KDM5A: variants seen among roughly 807,000 people sequenced by gnomAD.
KDM5A encodes lysine-specific demethylase 5A.
KDM5A carries 42 observed loss-of-function variants against 193.5 expected under a neutral mutation model. The observed-to-expected ratio is 0.22, with a 90% CI of 0.17 to 0.28. The LOEUF is 0.28. Among genes scored for constraint, KDM5A ranks in the 10% least tolerant of loss-of-function variants. KDM5A has a pLI of 1.00. For synonymous variants in KDM5A, 796 were observed against 718.1 expected (o/e 1.11, Z -1.73); for missense variants, 1,692 against 2,055.1 (o/e 0.82, Z 3.42).
chr12:351,060 C>T (rs7135768), intron 9 of KDM5A, among the ~76,000 whole-genome samples: 119,437 of 152,178 alleles, frequency 0.78, 47,122 homozygotes, highest in African/African-American at 0.85. Flanking sequence ...CAAGGAGGAA[C>T]AAGGAAATGT....
At position 384,048 on chromosome 12, in the gene KDM5A, G is replaced by A. The variant is rs1301439033; in HGVS notation, c.349C>T (p.Leu117=). 6.2e-7 allele frequency: 1 copy of A among 1,613,856 alleles called. No individual in the cohort carries two copies. Among genetic ancestry groups the A allele is most frequent in the Non-Finnish European group, 8.5e-7 (1 of 1,179,860 alleles). ...IPVVERKILD[L]YALSKIVASK... is the part of the protein sequence containing the mutation. ...AGCCTCACCTTGCTCAAAGCATACA[G>A]ATCCAGGATTTTTCTCTCTACCACA... is the stretch of plus-strand genomic sequence containing the variant. Residue 117 remains leucine (L), a synonymous_variant, in exon 3 of 28, where the codon CTG becomes TTG. Coordinates refer to ENST00000399788, the MANE Select transcript of KDM5A (RefSeq NM_001042603.3).
intron 21 of KDM5A, 64 bp from the exon 22 acceptor site, chr12:310,028 T>TA (rs1943564503): frequency 5.9e-6 from 9 of 1,532,426 alleles, no homozygotes; most frequent in Non-Finnish European, 8.1e-6. Flanking sequence ...GTAAAAATAA[T>TA]AAAGGAACCA....
chr12:358,996 TAAA>T (rs35658441), intron 5 of KDM5A, among the ~76,000 whole-genome samples: 1 of 149,302 alleles, frequency 6.7e-6, no homozygotes. Flanking sequence ...TAATAAAAAA[TAAA>T]AAAAAACAAT....
At chr12:293,646 G>C (rs1429753123) in intron 26 of KDM5A, among the ~76,000 whole-genome samples, 1 of 151,892 alleles carries the variant, frequency 6.6e-6, no homozygotes, top group African/African-American at 2.4e-5. Context: ...GGGCGTGGTG[G>C]TGCATGCCTG....
At chr12:289,910 T>TTTC (rs1943271186) in intron 27 of KDM5A, among the ~76,000 whole-genome samples, 1 of 127,678 alleles carries the variant, frequency 7.8e-6, no homozygotes, top group Non-Finnish European at 1.6e-5. Context: ...TTTCTTTCTT[T>TTTC]TTTTTTTTTT....
intron 6 of KDM5A, among the ~76,000 whole-genome samples, chr12:356,156 C>G (rs1944227369): frequency 6.6e-6 from 1 of 152,154 alleles, no homozygotes; most frequent in Non-Finnish European, 1.5e-5. Flanking sequence ...CTCTCATAAA[C>G]CAGCCTTCAG....
chr12:308,094 A>C (rs529973218), intron 22 of KDM5A, 89 bp from the exon 23 acceptor site: 3 of 1,408,978 alleles, frequency 2.1e-6, no homozygotes, highest in East Asian at 4.6e-5. Context: ...TCTTTCTCCC[A>C]AGTTATCAGT....
In KDM5A at chr12:318,142, C is replaced by A; in HGVS notation, c.2861G>T (p.Arg954Leu). Residue 954 changes from arginine (R) to leucine (L), a missense_variant, in exon 19 of 28, where the codon CGA (arginine) becomes CTA (leucine). By Grantham distance (102) the Arg-to-Leu change is moderately radical (BLOSUM62 -2). Around this residue, in one of 11 missense-constraint regions of KDM5A, gnomAD observed 965 missense variants for 1,061.0 expected, o/e 0.91. Transcript: ENST00000399788. ...ELQELLTVSE[R>L]WEEKAKVCLQ... ...GCAGACCTTAGCCTTTTCTTCCCATCGTTCAGAGACTGTAAGGAGCTCCTG... is the reference window on the plus strand; with the variant it reads ...GCAGACCTTAGCCTTTTCTTCCCATAGTTCAGAGACTGTAAGGAGCTCCTG... 2.5e-6 allele frequency: 4 copies of A among 1,614,216 alleles called. No homozygotes were observed. The highest frequency in any genetic ancestry group is 3.4e-6 in the Non-Finnish European group (4 of 1,180,030).
At chr12:356,565 C>T in intron 5 of KDM5A, 28 bp from the exon 6 acceptor site, 1 of 1,382,662 alleles carries the variant, frequency 7.2e-7, no homozygotes. Flanking sequence ...TTCACATTAG[C>T]ATAATCATGC....
chr12:350,105 G>A (rs1316170513), intron 10 of KDM5A, among the ~76,000 whole-genome samples: 1 of 150,528 alleles, frequency 6.6e-6, no homozygotes, highest in Non-Finnish European at 1.5e-5. Flanking sequence ...TCTAGCAGGG[G>A]CGACAGGAAC....
chr12:364,752 T>C (rs1344689114), intron 4 of KDM5A, among the ~76,000 whole-genome samples: 1 of 129,792 alleles, frequency 7.7e-6, no homozygotes, highest in African/African-American at 3.0e-5. Flanking sequence ...GCCACTGCAC[T>C]CCAGCCTGGG....
At chr12:378,968 A>C (rs1387724481) in intron 3 of KDM5A, among the ~76,000 whole-genome samples, 1 of 152,096 alleles carries the variant, frequency 6.6e-6, no homozygotes, top group Admixed American at 6.5e-5. Flanking sequence ...CAAAAAAAAA[A>C]AAAAAAAACT....
intron 3 of KDM5A, among the ~76,000 whole-genome samples, chr12:382,871 G>A (rs1453729167): frequency 6.6e-6 from 1 of 152,060 alleles, no homozygotes; most frequent in Non-Finnish European, 1.5e-5. Context: ...GGCAGAGGTT[G>A]CAGTGAGCCA....
At chr12:388,337 A>T (rs1944673094) in intron 1 of KDM5A, 1 of 455,238 alleles carries the variant, frequency 2.2e-6, no homozygotes, top group Non-Finnish European at 4.4e-6. Flanking sequence ...AGAGATTTCA[A>T]CATTTCCTTC....
intron 19 of KDM5A, 62 bp from the exon 20 acceptor site, chr12:313,256 G>C: frequency 6.4e-7 from 1 of 1,567,750 alleles, no homozygotes; most frequent in South Asian, 1.1e-5. Flanking sequence ...TAACATTTCA[G>C]AATGTTTAGA....
Position 323,570 on chromosome 12 carries a change from A to G in KDM5A, c.2150+30T>C, listed in dbSNP as rs956554791. On this transcript the variant is annotated intron_variant, in intron 15 of 27. Coordinates refer to ENST00000399788, the MANE Select transcript of KDM5A (RefSeq NM_001042603.3). ...TAAAACTTGGTTTTAAAAAAAGGTA[A>G]TGGAAGTTTTACAAAATACTTTTGG... 3 of 1,599,708 alleles carry G rather than the reference A, an allele frequency of 1.9e-6. No homozygotes were observed. The Admixed American group carries it at 5.0e-5, about 27-fold the overall frequency.
At chr12:288,534 TA>T (rs1001717935) in intron 27 of KDM5A, among the ~76,000 whole-genome samples, 1 of 152,164 alleles carries the variant, frequency 6.6e-6, no homozygotes, top group African/African-American at 2.4e-5. Flanking sequence ...TCACACTTAA[TA>T]AAAAATATTT....
intron 5 of KDM5A, among the ~76,000 whole-genome samples, chr12:360,245 G>T (rs949827328): frequency 6.6e-6 from 1 of 152,082 alleles, no homozygotes; most frequent in African/African-American, 2.4e-5. Flanking sequence ...CTGCACTCCA[G>T]CCTGGGAGTT....
chr12:311,223 A>AT (rs901667535), intron 20 of KDM5A, 159 bp from the exon 21 acceptor site: 73 of 683,038 alleles, frequency 1.1e-4, no homozygotes, highest in African/African-American at 8.2e-4. Flanking sequence ...CCAATGTCCT[A>AT]TTTTTTAAAG....
Sources: allele counts gnomAD v4.1 joint callset (sites outside exome capture counted in the v4.1 genomes callset), GRCh38; gene constraint gnomAD v4.1.1; regional missense constraint gnomAD v4.1.1; transcripts MANE v1.5; gene names NCBI Gene and HGNC (gene_info 2026-07-23, HGNC 2026-07-21).